The following STRBP variants were observed in gnomAD, a reference collection of about 807,000 sequenced individuals.
STRBP encodes spermatid perinuclear RNA-binding protein.
A neutral mutation model predicts 80.1 loss-of-function variants in STRBP; 13 were observed. The ratio of observed to expected loss-of-function variants is 0.16; its 90% CI spans 0.11 to 0.26. The LOEUF (loss-of-function observed/expected upper bound fraction) is 0.26, where lower values mean the gene tolerates loss of function less well. STRBP is among the 10% of genes least tolerant of loss of function. The pLI, the probability that STRBP is intolerant of heterozygous loss-of-function variation, is 1.00. For synonymous variants in STRBP, 284 were observed against 291.2 expected (o/e 0.98, Z 0.25); for missense variants, 485 against 815.2 (o/e 0.59, Z 4.93).
At chr9:123,218,386 G>A (rs1294215029) in intron 2 of STRBP, among the ~76,000 whole-genome samples, 21 of 118,692 alleles carry the variant, frequency 1.8e-4, no homozygotes, top group African/African-American at 6.7e-4. Flanking sequence ...TTTTTGAGAC[G>A]GAGTCTCGCT....
intron 2 of STRBP, among the ~76,000 whole-genome samples, chr9:123,233,103 T>TG (rs1439407721): frequency 3.1e-4 from 47 of 152,314 alleles, no homozygotes; most frequent in Middle Eastern, 3.4e-3. Flanking sequence ...GACAGGGTCT[T>TG]GCTTTGTCAT....
At chr9:123,165,662 C>T (rs980307705) in intron 6 of STRBP, among the ~76,000 whole-genome samples, 1 of 152,126 alleles carries the variant, frequency 6.6e-6, no homozygotes, top group African/African-American at 2.4e-5. Flanking sequence ...AAATCACAAG[C>T]ACCAAAAGAA....
chr9:123,260,565 T>A (rs554151941), intron 1 of STRBP, among the ~76,000 whole-genome samples: 3 of 152,228 alleles, frequency 2.0e-5, no homozygotes, highest in Admixed American at 6.5e-5. Flanking sequence ...ATGTTTTAAA[T>A]CCACGTCCTT....
At chr9:123,248,994 T>A (rs6478600) in intron 1 of STRBP, among the ~76,000 whole-genome samples, 57,373 of 152,224 alleles carry the variant, frequency 0.38, 17,891 homozygotes, top group African/African-American at 0.83. Context: ...TTTCAAAATT[T>A]GGCAGCTCTT....
intron 1 of STRBP, among the ~76,000 whole-genome samples, chr9:123,256,014 CTTTCT>C (rs1465874732): frequency 1.4e-3 from 142 of 100,536 alleles, no homozygotes; most frequent in African/African-American, 5.0e-3. Flanking sequence ...GACATCCTTT[CTTTCT>C]TTTTTTTTTT....
At chr9:123,167,649 CAAA>C (rs879891075) in intron 6 of STRBP, among the ~76,000 whole-genome samples, 1 of 138,938 alleles carries the variant, frequency 7.2e-6, no homozygotes. Context: ...TTCTGCCATT[CAAA>C]AAAAAAAAAG....
intron 17 of STRBP, 61 bp from the exon 18 acceptor site, chr9:123,128,319 A>G: frequency 1.9e-6 from 3 of 1,595,246 alleles, no homozygotes; most frequent in African/African-American, 1.3e-5. Flanking sequence ...CACTGGCCCA[A>G]TTCACAAGCA....
At chr9:123,154,920 T>C (rs898587431) in intron 11 of STRBP, among the ~76,000 whole-genome samples, 1 of 152,190 alleles carries the variant, frequency 6.6e-6, no homozygotes, top group Non-Finnish European at 1.5e-5. Context: ...TTTGGCCTTG[T>C]CTTTCAGATG....
At chr9:123,167,215 G>A (rs568029743) in intron 6 of STRBP, among the ~76,000 whole-genome samples, 18 of 152,018 alleles carry the variant, frequency 1.2e-4, no homozygotes, top group African/African-American at 4.3e-4. Context: ...AGTTTGTTTG[G>A]GTGGGGGTAG....
At chr9:123,178,533 C>T (rs1205492690) in intron 4 of STRBP, among the ~76,000 whole-genome samples, 2 of 152,168 alleles carry the variant, frequency 1.3e-5, no homozygotes, top group African/African-American at 4.8e-5. Context: ...ATGCAAGACA[C>T]TGCTAAATTC....
At chr9:123,229,967 C>T (rs1244054320) in intron 2 of STRBP, among the ~76,000 whole-genome samples, 1 of 152,142 alleles carries the variant, frequency 6.6e-6, no homozygotes, top group Non-Finnish European at 1.5e-5. Flanking sequence ...TTCAGATGCA[C>T]AGGTACAGGT....
At chr9:123,265,647 G>C (rs1280830827) in intron 1 of STRBP, among the ~76,000 whole-genome samples, 1 of 152,188 alleles carries the variant, frequency 6.6e-6, no homozygotes, top group Non-Finnish European at 1.5e-5. Context: ...AACAGTGAAT[G>C]AGACTTGCAC....
intron 9 of STRBP, 104 bp downstream of exon 9, chr9:123,158,992 A>G: frequency 2.4e-6 from 2 of 841,464 alleles, no homozygotes; most frequent in Non-Finnish European, 3.9e-6. Flanking sequence ...AAGAACTCCT[A>G]TGCATCATTT....
intron 11 of STRBP, among the ~76,000 whole-genome samples, chr9:123,152,941 A>C (rs2037121937): frequency 6.6e-6 from 1 of 152,184 alleles, no homozygotes; most frequent in South Asian, 2.1e-4. Flanking sequence ...CATCAAGAGA[A>C]ACTAGCTGAA....
intron 14 of STRBP, 59 bp downstream of exon 14, chr9:123,139,470 T>C (rs2036498264): frequency 7.3e-7 from 1 of 1,362,290 alleles, no homozygotes; most frequent in African/African-American, 1.5e-5. Context: ...TCCACATCTC[T>C]CAAATTTCCT....
At chr9:123,262,444 T>C (rs1032163987) in intron 1 of STRBP, among the ~76,000 whole-genome samples, 17 of 152,222 alleles carry the variant, frequency 1.1e-4, no homozygotes, top group African/African-American at 3.6e-4. Flanking sequence ...GAACAGGAAA[T>C]TCTGCAGGTG....
chr9:123,160,294 T>C (rs943194166), intron 8 of STRBP, 73 bp downstream of exon 8: 220 of 1,089,352 alleles, frequency 2.0e-4, no homozygotes, highest in Non-Finnish European at 3.4e-5. Flanking sequence ...CATTTTAAAG[T>C]AACATCTCAT....
chr9:123,183,012 C>G (rs369279267), intron 3 of STRBP, among the ~76,000 whole-genome samples: 1 of 44,218 alleles, frequency 2.3e-5, no homozygotes, highest in Non-Finnish European at 3.7e-5. Flanking sequence ...AAGATCCTGT[C>G]TCAAAAAAAA....
chr9:123,155,811 GA>G (rs2132381822), intron 11 of STRBP, among the ~76,000 whole-genome samples: 1 of 152,036 alleles, frequency 6.6e-6, no homozygotes, highest in East Asian at 1.9e-4. Flanking sequence ...CATTAGTGTT[GA>G]AAAAAATCAC....
Sources: allele counts gnomAD v4.1 joint callset (sites outside exome capture counted in the v4.1 genomes callset), GRCh38; gene constraint gnomAD v4.1.1; transcripts MANE v1.5; gene names NCBI Gene and HGNC (gene_info 2026-07-23, HGNC 2026-07-21).